The following LRRC4C variants were observed in gnomAD, a reference collection of about 807,000 sequenced individuals.
LRRC4C encodes the protein leucine-rich repeat-containing protein 4C.
A neutral mutation model predicts 33.6 loss-of-function variants in LRRC4C; 5 were observed. The ratio of observed to expected loss-of-function variants is 0.15; its 90% CI spans 0.08 to 0.31. The LOEUF is 0.31. Ranked by LOEUF, LRRC4C falls within the 10% of genes least tolerant of loss-of-function variation. The probability of loss-of-function intolerance (pLI) is 1.00; values close to 1 mark genes in which losing one functional copy is unlikely to be tolerated. For synonymous variants in LRRC4C, 329 were observed against 302.0 expected (o/e 1.09, Z -0.93); for missense variants, 560 against 796.7 (o/e 0.70, Z 3.58).
chr11:41,011,710 C>T (rs958542217), intron 1 of LRRC4C, among the ~76,000 whole-genome samples: 9 of 150,938 alleles, frequency 6.0e-5, no homozygotes, highest in Admixed American at 1.3e-4. Flanking sequence ...GTCACTAAGC[C>T]CGGGTTTCTA....
intron 5 of LRRC4C, among the ~76,000 whole-genome samples, chr11:40,216,132 A>C (rs531084820): frequency 6.6e-6 from 1 of 152,216 alleles, no homozygotes; most frequent in South Asian, 2.1e-4. Flanking sequence ...TTAAAAAATA[A>C]CTCTTCAAAT....
intron 1 of LRRC4C, among the ~76,000 whole-genome samples, chr11:41,185,057 A>G (rs1945630931): frequency 1.3e-5 from 2 of 152,100 alleles, no homozygotes; most frequent in South Asian, 4.2e-4. Context: ...TGATTCAATT[A>G]TCTCCCACTG....
At chr11:40,612,462 G>A (rs1329980970) in intron 3 of LRRC4C, among the ~76,000 whole-genome samples, 1 of 151,854 alleles carries the variant, frequency 6.6e-6, no homozygotes, top group African/African-American at 2.4e-5. Flanking sequence ...CTAAAGATCT[G>A]CTGTATAACA....
chr11:40,708,871 G>T (rs1189150457), intron 2 of LRRC4C, among the ~76,000 whole-genome samples: 1 of 152,132 alleles, frequency 6.6e-6, no homozygotes, highest in African/African-American at 2.4e-5. Context: ...CTCAGGACTT[G>T]CTTTATGAAT....
intron 3 of LRRC4C, among the ~76,000 whole-genome samples, chr11:40,624,668 T>G (rs1440136313): frequency 6.6e-6 from 1 of 152,136 alleles, no homozygotes; most frequent in Admixed American, 6.5e-5. Context: ...GCACATACAC[T>G]TGGCTGGTTG....
rs115259047 is a variant in LRRC4C, at chr11:40,992,587, C to T, written c.-495-58864G>A. On this transcript the variant is annotated intron_variant, in intron 1 of 6. Transcript: ENST00000528697. ...ATATCCAGTGATGAAGAATTCACTACCTCTTAAGAAACTTCATTACATTTT... is the reference window on the plus strand; with the variant it reads ...ATATCCAGTGATGAAGAATTCACTATCTCTTAAGAAACTTCATTACATTTT... 8.1e-3 allele frequency among the ~76,000 whole-genome samples: 1,237 copies of T among 152,136 alleles called. 22 individuals carry two copies. Among genetic ancestry groups the T allele is most frequent in the African/African-American group, 0.028 (1,161 of 41,522 alleles).
intron 3 of LRRC4C, among the ~76,000 whole-genome samples, chr11:40,405,778 C>T (rs1248210909): frequency 1.3e-5 from 2 of 150,228 alleles, no homozygotes; most frequent in African/African-American, 2.4e-5. Flanking sequence ...TGTCCACTTC[C>T]TCACTTTTCC....
At chr11:41,176,307 G>A (rs1945196390) in intron 1 of LRRC4C, among the ~76,000 whole-genome samples, 1 of 152,086 alleles carries the variant, frequency 6.6e-6, no homozygotes, top group Non-Finnish European at 1.5e-5. Flanking sequence ...CTTTTTCTAA[G>A]TCTTTATAAG....
intron 3 of LRRC4C, among the ~76,000 whole-genome samples, chr11:40,477,331 A>G (rs190408730): frequency 2.0e-5 from 3 of 152,264 alleles, no homozygotes; most frequent in Admixed American, 2.0e-4. Context: ...AGACTCCTTA[A>G]TTCAGAACCA....
At chr11:41,405,872 G>A (rs1310747247) in intron 1 of LRRC4C, among the ~76,000 whole-genome samples, 3 of 151,974 alleles carry the variant, frequency 2.0e-5, no homozygotes, top group Admixed American at 6.6e-5. Context: ...GTATCTTTTT[G>A]TCTGTCCTAA....
At chr11:40,749,648 TA>T (rs112673026) in intron 2 of LRRC4C, among the ~76,000 whole-genome samples, 10,412 of 135,304 alleles carry the variant, frequency 0.077, 575 homozygotes, top group African/African-American at 0.17. Flanking sequence ...TAAAAGAGAC[TA>T]AAAAAAAAAA....
At position 40,311,796 on chromosome 11, in the gene LRRC4C, T is replaced by C. The variant is rs113759677; in HGVS notation, c.-176+7832A>G. 7.4e-3 allele frequency among the ~76,000 whole-genome samples: 1,117 copies of C among 151,906 alleles called. 16 individuals carry two copies. Among genetic ancestry groups the C allele is most frequent in the African/African-American group, 0.024 (992 of 41,414 alleles). ...CCTGTCTCTACTGAAAATACAAAAATTAGCTGGGTGTGGTAGCATGTGCCT... is the reference window on the plus strand; with the variant it reads ...CCTGTCTCTACTGAAAATACAAAAACTAGCTGGGTGTGGTAGCATGTGCCT... On this transcript the variant is annotated intron_variant, in intron 4 of 6. Transcript: ENST00000528697.
At chr11:40,668,985 T>C (rs535599341) in intron 2 of LRRC4C, among the ~76,000 whole-genome samples, 5 of 152,344 alleles carry the variant, frequency 3.3e-5, no homozygotes, top group South Asian at 4.1e-4. Flanking sequence ...CTAACCTCTA[T>C]AGCCCAGGTT....
intron 2 of LRRC4C, among the ~76,000 whole-genome samples, chr11:40,700,724 T>C (rs1162335089): frequency 6.6e-6 from 1 of 152,164 alleles, no homozygotes. Flanking sequence ...CTCATACAAA[T>C]GCACTTTCCA....
chr11:40,203,601 C>A (rs185297123), intron 5 of LRRC4C, among the ~76,000 whole-genome samples: 36 of 152,218 alleles, frequency 2.4e-4, no homozygotes, highest in African/African-American at 8.2e-4. Context: ...CTGATGAATG[C>A]AACTGCAAAA....
intron 3 of LRRC4C, among the ~76,000 whole-genome samples, chr11:40,552,371 C>T (rs1450622915): frequency 1.3e-5 from 2 of 152,168 alleles, no homozygotes; most frequent in Non-Finnish European, 2.9e-5. Flanking sequence ...GTTTTATATG[C>T]CCAAGTCCAA....
intron 1 of LRRC4C, among the ~76,000 whole-genome samples, chr11:41,269,379 C>A (rs950209080): frequency 6.6e-6 from 1 of 151,952 alleles, no homozygotes; most frequent in Non-Finnish European, 1.5e-5. Context: ...TGAACACACC[C>A]AGACTGAGAG....
At chr11:40,345,654 T>C (rs775576292) in intron 3 of LRRC4C, among the ~76,000 whole-genome samples, 7 of 152,046 alleles carry the variant, frequency 4.6e-5, no homozygotes, top group Non-Finnish European at 1.0e-4. Context: ...AATTTCATGA[T>C]GAGGATGCCA....
At chr11:40,571,940 G>T (rs1281708206) in intron 3 of LRRC4C, among the ~76,000 whole-genome samples, 1 of 152,102 alleles carries the variant, frequency 6.6e-6, no homozygotes, top group African/African-American at 2.4e-5. Flanking sequence ...ATGCTTCCTG[G>T]ATGCAGCAGA....
Sources: allele counts gnomAD v4.1 joint callset (sites outside exome capture counted in the v4.1 genomes callset), GRCh38; gene constraint gnomAD v4.1.1; transcripts MANE v1.5; gene names NCBI Gene and HGNC (gene_info 2026-07-23, HGNC 2026-07-21).